The following RAB3IP variants were observed in gnomAD, a reference collection of about 807,000 sequenced individuals.
The protein encoded by RAB3IP is rab-3A-interacting protein.
A neutral mutation model predicts 59.1 loss-of-function variants in RAB3IP; 36 were observed. The observed-to-expected ratio is 0.61, with a 90% CI of 0.47 to 0.80. RAB3IP has a LOEUF of 0.80. RAB3IP is among the 30% of genes least tolerant of loss of function. The pLI is 0.00. For missense variants in RAB3IP, 511 were observed against 536.0 expected (o/e 0.95, Z 0.46); for synonymous variants, 207 against 191.2 (o/e 1.08, Z -0.68).
At chr12:69,791,254 G>C (rs1260072188) in intron 4 of RAB3IP, among the ~76,000 whole-genome samples, 3 of 152,084 alleles carry the variant, frequency 2.0e-5, no homozygotes, top group South Asian at 2.1e-4. Context: ...CAAGGAAAAA[G>C]CTTCTTGACA....
intron 1 of RAB3IP, among the ~76,000 whole-genome samples, chr12:69,749,013 G>A (rs1602955): frequency 0.21 from 32,248 of 152,132 alleles, 4,143 homozygotes; most frequent in Middle Eastern, 0.35. Flanking sequence ...TCCCCCAGAA[G>A]GGAAACATTG....
In RAB3IP at chr12:69,807,399, A is replaced by T. The variant is rs377126344; in HGVS notation, c.1131-5379A>T. 8.3e-5 allele frequency among the ~76,000 whole-genome samples: 12 copies of T among 143,936 alleles called. No homozygotes were observed. In the East Asian group the frequency reaches 2.4e-3, roughly 29 times the overall value. 94.4% of individuals were successfully genotyped at this position (143,936 alleles called of 152,430 possible). A position where few individuals can be genotyped will look rare whatever the true frequency, so the allele number is the denominator to read the frequency against. ...CCTCCCTGACGGGGCGGCCGGGAAG[A>T]GGCGCCCCTCACCTCCCAGACGGGG... On this transcript the variant is annotated intron_variant, in intron 8 of 10. Transcript: ENST00000247833.
chr12:69,808,721 C>A (rs1434437142), intron 8 of RAB3IP, among the ~76,000 whole-genome samples: 1 of 152,118 alleles, frequency 6.6e-6, no homozygotes, highest in Non-Finnish European at 1.5e-5. Context: ...AGGATTACAA[C>A]CCCTGCCTTT....
intron 3 of RAB3IP, among the ~76,000 whole-genome samples, chr12:69,759,214 C>CT (rs1377929093): frequency 7.0e-6 from 1 of 143,456 alleles, no homozygotes; most frequent in African/African-American, 2.6e-5. Flanking sequence ...CTTCAAGCAT[C>CT]TGTTTAACAA....
intron 8 of RAB3IP, among the ~76,000 whole-genome samples, chr12:69,807,537 G>A (rs1879617148): frequency 6.7e-6 from 1 of 148,776 alleles, no homozygotes; most frequent in Non-Finnish European, 1.5e-5. Context: ...CCCAGACAGG[G>A]TGGCTGGGCA....
intron 3 of RAB3IP, among the ~76,000 whole-genome samples, chr12:69,761,058 A>G (rs570203455): frequency 2.0e-5 from 3 of 152,074 alleles, no homozygotes; most frequent in Admixed American, 6.5e-5. Flanking sequence ...AACTTATCTC[A>G]CAGCTTGCTG....
At chr12:69,760,007 A>G (rs1238872279) in intron 3 of RAB3IP, among the ~76,000 whole-genome samples, 8 of 151,982 alleles carry the variant, frequency 5.3e-5, no homozygotes, top group Non-Finnish European at 1.2e-4. Context: ...CAATCTCGTC[A>G]CTTTGGGAGG....
At chr12:69,745,120 T>C (rs1868277726) in intron 1 of RAB3IP, among the ~76,000 whole-genome samples, 1 of 152,182 alleles carries the variant, frequency 6.6e-6, no homozygotes, top group South Asian at 2.1e-4. Context: ...CTATCAACAG[T>C]GATCAGTCCT....
chr12:69,793,780 C>G (rs1324057577), intron 4 of RAB3IP, among the ~76,000 whole-genome samples: 1 of 152,130 alleles, frequency 6.6e-6, no homozygotes, highest in Non-Finnish European at 1.5e-5. Flanking sequence ...TAATCAGCAT[C>G]TGGAGCAGTA....
rs1880592239 is a variant in RAB3IP at position 69,812,493 on chromosome 12, G to A, written c.1131-285G>A. On this transcript the variant is annotated intron_variant, in intron 8 of 10. Transcript: ENST00000247833. ...CTGTCCTGCAGCTGATTACTGATTT[G>A]TAAATTTGTTCCAAGATGGGACATA... 9.8e-6 allele frequency: 3 copies of A among 305,350 alleles called. No individual in the cohort carries two copies. In the South Asian group the frequency reaches 1.9e-4, roughly 20 times the overall value. 18.9% of individuals were successfully genotyped at this position (305,350 alleles called of 1,614,324 possible).
chr12:69,755,628 C>T lies in RAB3IP; in HGVS notation c.220C>T (p.Arg74Cys), dbSNP rs781377394. 9.3e-6 allele frequency: 15 copies of T among 1,613,390 alleles called. No individual in the cohort carries two copies. Among genetic ancestry groups the T allele is most frequent in the South Asian group, 3.3e-5 (3 of 91,022 alleles). The change falls in exon 2 of 11, where the codon CGT becomes TGT. Residue 74 changes from arginine (R) to cysteine (C), a missense_variant. By Grantham distance (180) the Arg-to-Cys change is radical. Transcript: ENST00000247833. ...ACAACCCGTGTATTCATCCCCCAGA[C>T]GTTTAAATTGTGCGGAAATATCTAG... ...PTQPVYSSPR[R>C]LNCAEISSIS...
At position 69,797,477 on chromosome 12, in the gene RAB3IP, C is replaced by CTTT; in HGVS notation, c.888+2154_888+2156dup. Among the ~76,000 whole-genome samples, 107 of 54,880 alleles carry CTTT rather than the reference C, an allele frequency of 1.9e-3. 1 individual carries two copies. Among genetic ancestry groups the CTTT allele is most frequent in the African/African-American group, 6.4e-3 (72 of 11,192 alleles). The allele number at this position is 54,880 out of a possible 152,430, so 36.0% of individuals were successfully genotyped here. A position where few individuals can be genotyped will look rare whatever the true frequency, so the allele number is the denominator to read the frequency against. Reference sequence around the variant, plus strand: ...GGTTTATGTCCTTTTTCTTTTCTTTCTTTTTTTTTTTTTTTTTTTTTTTAA... The same window carrying CTTT: ...GGTTTATGTCCTTTTTCTTTTCTTTCTTTTTTTTTTTTTTTTTTTTTTTTTTAA... On this transcript the variant is annotated intron_variant, in intron 6 of 10. Coordinates refer to ENST00000247833, the MANE Select transcript of RAB3IP (RefSeq NM_022456.5).
intron 8 of RAB3IP, among the ~76,000 whole-genome samples, chr12:69,809,129 TA>T (rs1879976760): frequency 6.7e-6 from 1 of 148,702 alleles, no homozygotes; most frequent in Non-Finnish European, 1.5e-5. Flanking sequence ...TGCTTGTCTG[TA>T]AAGTATTTTA....
chr12:69,760,393 T>TG (rs573541528), intron 3 of RAB3IP, among the ~76,000 whole-genome samples: 5,085 of 151,852 alleles, frequency 0.033, 107 homozygotes, highest in Non-Finnish European at 0.048. Context: ...AGGGAGACCG[T>TG]GGGGAGAGGG....
At chr12:69,755,265 T>C (rs1284226625) in intron 1 of RAB3IP, 119 bp from the exon 2 acceptor site, 1 of 949,414 alleles carries the variant, frequency 1.1e-6, no homozygotes, top group Non-Finnish European at 1.5e-6. Flanking sequence ...AAAAGCCTCT[T>C]TTATTGTAAG....
chr12:69,750,298 C>T (rs1182884273), intron 1 of RAB3IP, among the ~76,000 whole-genome samples: 3 of 152,128 alleles, frequency 2.0e-5, no homozygotes, highest in Non-Finnish European at 4.4e-5. Flanking sequence ...CTTCCTCTCT[C>T]CCTGGATTAT....
rs537587190 is a variant in RAB3IP at position 69,819,643 on chromosome 12, A to C, written c.*4197A>C. On this transcript the variant is annotated 3_prime_UTR_variant, in exon 11 of 11. Coordinates refer to ENST00000247833, the MANE Select transcript of RAB3IP (RefSeq NM_022456.5). ...AGGCAACAGAAAAGGAAGAACCAGC[A>C]TGCTGATTATGTTCAGGAGAGTGTT... 2 of 152,434 alleles carry C rather than the reference A, an allele frequency of 1.3e-5. No individual in the cohort carries two copies. Among genetic ancestry groups the C allele is most frequent in the African/African-American group, 4.8e-5 (2 of 41,588 alleles). 9.4% of individuals were successfully genotyped at this position (152,434 alleles called of 1,614,324 possible).
intron 8 of RAB3IP, among the ~76,000 whole-genome samples, chr12:69,802,784 G>A (rs1432961482): frequency 6.6e-6 from 1 of 152,128 alleles, no homozygotes. Flanking sequence ...CGCACGTTAC[G>A]GTCTCAGCAA....
chr12:69,801,624 C>G lies in RAB3IP; in HGVS notation c.1033C>G (p.Leu345Val), dbSNP rs761756582. 3.1e-6 allele frequency: 5 copies of G among 1,610,310 alleles called. No individual in the cohort carries two copies. In the South Asian group the frequency reaches 4.4e-5, roughly 14 times the overall value. ...TTTTTTTAAGTTGGCTTCAGCTGTT[C>G]TGGAGGCTGTGGAAAACAATACTCT... ...FSKSELASAV[L>V]EAVENNTLSI... The change falls in exon 8 of 11, where the codon CTG becomes GTG. Residue 345 changes from leucine to valine, a missense_variant. By Grantham distance (32) the Leu-to-Val change is conservative. Transcript: ENST00000247833.
Sources: gnomAD v4.1 joint callset for allele counts (sites outside exome capture counted in the v4.1 genomes callset) on GRCh38, gnomAD v4.1.1 for gene constraint, MANE v1.5 for transcripts, NCBI Gene and HGNC (gene_info 2026-07-23, HGNC 2026-07-21) for gene names.